HS6ST3: variants seen among roughly 807,000 people sequenced by gnomAD.
HS6ST3 encodes the protein heparan sulfate 6-O-sulfotransferase 3.
Under a neutral mutation model 36.7 loss-of-function variants are expected in HS6ST3, and 12 were observed. The observed-to-expected ratio is 0.33, with a 90% CI of 0.21 to 0.53. The LOEUF (loss-of-function observed/expected upper bound fraction) is 0.53. HS6ST3 is among the 20% of genes least tolerant of loss of function. The pLI is 0.95. For synonymous variants in HS6ST3, 240 were observed against 257.5 expected, an observed-to-expected ratio of 0.93 and a Z score of 0.65; for missense variants, 584 against 640.9, an observed-to-expected ratio of 0.91 and a Z score of 0.96.
chr13:96,577,473 A>G (rs2056326049), intron 1 of HS6ST3, among the ~76,000 whole-genome samples: 3 of 152,240 alleles, frequency 2.0e-5, no homozygotes, highest in South Asian at 4.1e-4. Flanking sequence ...TGCAATAAAC[A>G]TATGTGTGCA....
intron 1 of HS6ST3, among the ~76,000 whole-genome samples, chr13:96,269,789 G>A (rs1167367188): frequency 6.6e-6 from 1 of 151,990 alleles, no homozygotes; most frequent in African/African-American, 2.4e-5. Context: ...TAAGCAGGAT[G>A]ATCTGATGTC....
chr13:96,132,994 A>G (rs2053983647), intron 1 of HS6ST3, among the ~76,000 whole-genome samples: 1 of 152,054 alleles, frequency 6.6e-6, no homozygotes, highest in African/African-American at 2.4e-5. Context: ...CTTGCTATTG[A>G]ATCTTTTGAG....
intron 1 of HS6ST3, among the ~76,000 whole-genome samples, chr13:96,618,122 T>C (rs1594819570): frequency 6.6e-6 from 1 of 152,140 alleles, no homozygotes; most frequent in Non-Finnish European, 1.5e-5. Context: ...TTTTAAGAGA[T>C]GGGGTTTCAC....
chr13:96,319,711 T>A (rs1303243226), intron 1 of HS6ST3, among the ~76,000 whole-genome samples: 1 of 152,210 alleles, frequency 6.6e-6, no homozygotes, highest in Non-Finnish European at 1.5e-5. Context: ...GCTGCAACAT[T>A]ACAATGTTAA....
At chr13:96,150,891 T>G (rs1309599291) in intron 1 of HS6ST3, among the ~76,000 whole-genome samples, 2 of 152,210 alleles carry the variant, frequency 1.3e-5, no homozygotes, top group Non-Finnish European at 2.9e-5. Flanking sequence ...ATGTATAACA[T>G]AATATATAAT....
intron 1 of HS6ST3, among the ~76,000 whole-genome samples, chr13:96,642,748 C>G (rs1023141231): frequency 6.6e-6 from 1 of 151,866 alleles, no homozygotes; most frequent in African/African-American, 2.4e-5. Flanking sequence ...TTTTTAAAAA[C>G]AATTCCTATC....
At chr13:96,459,793 G>A (rs964409908) in intron 1 of HS6ST3, among the ~76,000 whole-genome samples, 1 of 152,084 alleles carries the variant, frequency 6.6e-6, no homozygotes. Flanking sequence ...ATTTGCTTTT[G>A]TACCTTTAAA....
chr13:96,237,446 A>G (rs1356533070), intron 1 of HS6ST3, among the ~76,000 whole-genome samples: 1 of 150,940 alleles, frequency 6.6e-6, no homozygotes, highest in Non-Finnish European at 1.5e-5. Context: ...ACTGGATTCT[A>G]TTCCTGATTT....
At chr13:96,663,284 G>A (rs1484134266) in intron 1 of HS6ST3, among the ~76,000 whole-genome samples, 2 of 152,136 alleles carry the variant, frequency 1.3e-5, no homozygotes, top group Non-Finnish European at 2.9e-5. Context: ...TTTATCTCCA[G>A]GCCACAATGT....
chr13:96,124,130 A>G (rs1284319056), intron 1 of HS6ST3, among the ~76,000 whole-genome samples: 2 of 152,226 alleles, frequency 1.3e-5, no homozygotes, highest in African/African-American at 2.4e-5. Context: ...GATATTAAAA[A>G]GAAGAGAAAG....
chr13:96,123,046 A>G (rs2053933835), intron 1 of HS6ST3, among the ~76,000 whole-genome samples: 2 of 152,222 alleles, frequency 1.3e-5, no homozygotes. Context: ...TCAAACCTCC[A>G]GTCATTGAGC....
intron 1 of HS6ST3, among the ~76,000 whole-genome samples, chr13:96,429,553 C>A (rs567402430): frequency 6.6e-6 from 1 of 152,180 alleles, no homozygotes; most frequent in Non-Finnish European, 1.5e-5. Flanking sequence ...CAGCTACTTT[C>A]TTCCCTGTAT....
chr13:96,238,194 C>T (rs1225489901), intron 1 of HS6ST3, among the ~76,000 whole-genome samples: 1 of 152,060 alleles, frequency 6.6e-6, no homozygotes, highest in Non-Finnish European at 1.5e-5. Context: ...TCCCTTTTAC[C>T]TCTCACATGC....
chr13:96,688,448 A>T (rs1156384045), intron 1 of HS6ST3, among the ~76,000 whole-genome samples: 1 of 151,934 alleles, frequency 6.6e-6, no homozygotes, highest in African/African-American at 2.4e-5. Context: ...TTTAGTCTGG[A>T]TCCAAAGAAT....
intron 1 of HS6ST3, among the ~76,000 whole-genome samples, chr13:96,165,319 C>A (rs950815186): frequency 3.3e-5 from 5 of 152,166 alleles, no homozygotes; most frequent in Non-Finnish European, 5.9e-5. Flanking sequence ...TTAGAAGCCC[C>A]ATGGCTTCCC....
intron 1 of HS6ST3, among the ~76,000 whole-genome samples, chr13:96,363,045 G>A (rs1281891872): frequency 1.3e-5 from 2 of 151,986 alleles, no homozygotes; most frequent in Non-Finnish European, 2.9e-5. Flanking sequence ...TAAAGGTTTA[G>A]CACAGGTGAC....
chr13:96,566,985 A>G (rs9584387), intron 1 of HS6ST3, among the ~76,000 whole-genome samples: 25,974 of 152,134 alleles, frequency 0.17, 3,011 homozygotes, highest in African/African-American at 0.33. Flanking sequence ...TTTACAAACA[A>G]AAATAACTAT....
chr13:96,165,786 C>G (rs1484863357), intron 1 of HS6ST3, among the ~76,000 whole-genome samples: 1 of 152,072 alleles, frequency 6.6e-6, no homozygotes, highest in Non-Finnish European at 1.5e-5. Context: ...AGTATGTAGC[C>G]AAACCTGTGT....
intron 1 of HS6ST3, among the ~76,000 whole-genome samples, chr13:96,366,101 A>AT (rs1357048863): frequency 6.6e-6 from 1 of 152,172 alleles, no homozygotes; most frequent in African/African-American, 2.4e-5. Flanking sequence ...AAGATGTTGA[A>AT]TTTTTTATAC....
Sources: allele counts gnomAD v4.1 joint callset (sites outside exome capture counted in the v4.1 genomes callset), GRCh38; gene constraint gnomAD v4.1.1; transcripts MANE v1.5; gene names NCBI Gene and HGNC (gene_info 2026-07-23, HGNC 2026-07-21).